Variants in YTHDC2 observed in about 807,000 individuals in gnomAD.
YTHDC2 encodes 3'-5' RNA helicase YTHDC2.
A neutral mutation model predicts 174.9 loss-of-function variants in YTHDC2; 45 were observed. The ratio of observed to expected loss-of-function variants is 0.26; its 90% CI spans 0.20 to 0.33. The LOEUF (loss-of-function observed/expected upper bound fraction) is 0.33, where lower values mean the gene tolerates loss of function less well. Among genes scored for constraint, YTHDC2 ranks in the 10% least tolerant of loss-of-function variants. The probability of loss-of-function intolerance (pLI) is 1.00; values close to 1 mark genes in which losing one functional copy is unlikely to be tolerated. For synonymous variants in YTHDC2, 657 were observed against 574.5 expected, an observed-to-expected ratio of 1.14 and a Z score of -2.05; for missense variants, 1,650 against 1,723.7, an observed-to-expected ratio of 0.96 and a Z score of 0.76.
rs149701893 is a variant in YTHDC2, at chr5:113,584,379, G to A, written c.3725G>A (p.Arg1242Gln). Residue 1242 changes from arginine to glutamine, a missense_variant, in exon 26 of 30, where the codon CGA (arginine) becomes CAA (glutamine). Coordinates refer to ENST00000161863, the MANE Select transcript of YTHDC2 (RefSeq NM_022828.5). The stretch of plus-strand genomic sequence containing the variant: ...GATAGAGGAATTTTACATCCTAAAC[G>A]AGGTACTGAGGACCGATCAGATCAG... Reference protein sequence around the residue: ...YKDRGILHPKRGTEDRSDQSS... With the variant: ...YKDRGILHPKQGTEDRSDQSS... 3.1e-6 allele frequency: 5 copies of A among 1,613,792 alleles called. No individual in the cohort carries two copies. The highest frequency in any genetic ancestry group is 3.3e-5 in the Admixed American group (2 of 59,998).
intron 3 of YTHDC2, 108 bp from the exon 4 acceptor site, chr5:113,526,478 A>T: frequency 1.3e-6 from 1 of 778,760 alleles, no homozygotes; most frequent in Non-Finnish European, 1.9e-6. Context: ...GTTAGAAATT[A>T]TGTCTTTTGG....
At chr5:113,547,389 C>T (rs1354101449) in intron 10 of YTHDC2, among the ~76,000 whole-genome samples, 3 of 152,184 alleles carry the variant, frequency 2.0e-5, no homozygotes, top group Non-Finnish European at 2.9e-5. Context: ...AACAAACCCA[C>T]CTCAAAAAAC....
Position 113,592,181 on chromosome 5 carries a change from A to T in YTHDC2, c.4212+3A>T. ...TGCAGATAAGCAGGGATGGGCAGGTATACAATGGCATTTTTTTTTTTATTT... is the reference window on the plus strand; with the variant it reads ...TGCAGATAAGCAGGGATGGGCAGGTTTACAATGGCATTTTTTTTTTTATTT... On this transcript the variant is annotated splice_donor_region_variant and intron_variant, in intron 28 of 29. Coordinates refer to ENST00000161863, the MANE Select transcript of YTHDC2 (RefSeq NM_022828.5). The T allele has an allele frequency of 6.4e-7, 1 of 1,574,370 alleles. No homozygotes were observed. Among genetic ancestry groups the T allele is most frequent in the Non-Finnish European group, 8.6e-7 (1 of 1,168,392 alleles).
chr5:113,536,147 G>T (rs546974738), intron 7 of YTHDC2, among the ~76,000 whole-genome samples: 22 of 152,304 alleles, frequency 1.4e-4, no homozygotes, highest in African/African-American at 5.3e-4. Context: ...TTCTGAAAAT[G>T]CTAAAACAAC....
chr5:113,538,598 T>A (rs543991775), intron 7 of YTHDC2, among the ~76,000 whole-genome samples: 1 of 150,500 alleles, frequency 6.6e-6, no homozygotes, highest in Admixed American at 6.7e-5. Context: ...ATTTTGTTTA[T>A]CTTCTTGTTT....
At chr5:113,542,136 A>C (rs1775525063) in intron 9 of YTHDC2, among the ~76,000 whole-genome samples, 1 of 152,208 alleles carries the variant, frequency 6.6e-6, no homozygotes, top group South Asian at 2.1e-4. Flanking sequence ...TCGTGACTAG[A>C]TCATAGTCCT....
chr5:113,585,393 G>A (rs1282337000), intron 26 of YTHDC2, among the ~76,000 whole-genome samples: 2 of 152,124 alleles, frequency 1.3e-5, no homozygotes, highest in Non-Finnish European at 2.9e-5. Context: ...TGTGCCTGTT[G>A]AAATACTCTT....
At chr5:113,563,567 C>T in intron 19 of YTHDC2, 75 bp downstream of exon 19, 2 of 1,446,774 alleles carry the variant, frequency 1.4e-6, no homozygotes, top group Non-Finnish European at 1.9e-6. Flanking sequence ...TATGTCTTAA[C>T]TAATTTTGTA....
chr5:113,541,161 T>C, intron 9 of YTHDC2, 45 bp downstream of exon 9: 1 of 1,610,270 alleles, frequency 6.2e-7, no homozygotes, highest in South Asian at 1.1e-5. Context: ...GTGAAAATTG[T>C]GTAGGTTAAA....
chr5:113,564,610 T>C (rs542038385), intron 20 of YTHDC2, among the ~76,000 whole-genome samples: 1 of 152,214 alleles, frequency 6.6e-6, no homozygotes, highest in South Asian at 2.1e-4. Context: ...CAAAAATCAC[T>C]TAAAAACCTT....
chr5:113,567,222 A>T lies in YTHDC2; in HGVS notation c.2973A>T (p.Leu991=), dbSNP rs750371964. ...TAGTCCACGTGGACAGAGAGAATCT[A>T]GTGTTGACAGGGCCAAAGGAGAAAA... ...PNLVHVDREN[L]VLTGPKEKKV... Residue 991 remains leucine (L), a synonymous_variant, in exon 22 of 30, where the codon CTA becomes CTT. Coordinates refer to ENST00000161863, the MANE Select transcript of YTHDC2 (RefSeq NM_022828.5). The T allele has an allele frequency of 1.1e-5, 18 of 1,613,690 alleles. No individual in the cohort carries two copies. The Admixed American group carries it at 2.8e-4, about 25-fold the overall frequency.
chr5:113,583,738 T>G (rs1778526556), intron 25 of YTHDC2: 1 of 152,468 alleles, frequency 6.6e-6, no homozygotes, highest in Non-Finnish European at 1.5e-5. Flanking sequence ...CGCCTCGGCT[T>G]CCCAAAGTGC....
At chr5:113,516,536 T>C (rs755183299) in intron 2 of YTHDC2, among the ~76,000 whole-genome samples, 15 of 152,178 alleles carry the variant, frequency 9.9e-5, no homozygotes, top group Non-Finnish European at 1.8e-4. Flanking sequence ...CTTTATTCTG[T>C]TTTGTGTACT....
chr5:113,548,867 A>G, intron 11 of YTHDC2, 88 bp from the exon 12 acceptor site: 1 of 1,310,392 alleles, frequency 7.6e-7, no homozygotes, highest in South Asian at 1.7e-5. Context: ...ATTTTTTTGA[A>G]AAGACAGGGT....
Position 113,533,775 on chromosome 5 carries a change from C to G in YTHDC2, c.843-530C>G, listed in dbSNP as rs371948018. On this transcript the variant is annotated intron_variant, in intron 5 of 29. Transcript: ENST00000161863. ...TCTGAAATCCAAGATGCTAAAAAAT[C>G]TAAAACTTTTTGAGTGCCAACATGA... Among the ~76,000 whole-genome samples, 4 of 152,100 alleles carry G rather than the reference C, an allele frequency of 2.6e-5. No individual in the cohort carries two copies. The East Asian group carries it at 5.8e-4, about 22-fold the overall frequency.
Position 113,563,499 on chromosome 5 carries a change from G to A in YTHDC2, c.2442+7G>A. The A allele has an allele frequency of 1.9e-6, 3 of 1,576,224 alleles. No individual in the cohort carries two copies. Among genetic ancestry groups the A allele is most frequent in the Non-Finnish European group, 2.6e-6 (3 of 1,165,090 alleles). On this transcript the variant is annotated splice_region_variant and intron_variant, in intron 19 of 29. Transcript: ENST00000161863. ...TGCTGTACAAATGCTTAAGGTTGGT[G>A]TCTTCATAGTTTTATTTTACATGAC...
intron 26 of YTHDC2, among the ~76,000 whole-genome samples, chr5:113,586,180 T>G (rs1404557572): frequency 6.6e-6 from 1 of 152,076 alleles, no homozygotes; most frequent in Non-Finnish European, 1.5e-5. Context: ...GCATTTTAGC[T>G]TTTGTAATTT....
intron 2 of YTHDC2, among the ~76,000 whole-genome samples, chr5:113,519,831 A>G (rs923364534): frequency 1.3e-5 from 2 of 152,210 alleles, no homozygotes; most frequent in African/African-American, 4.8e-5. Context: ...TTACTCACAC[A>G]AATGCCATTC....
chr5:113,543,510 C>G (rs187148840), intron 10 of YTHDC2, among the ~76,000 whole-genome samples: 31 of 152,328 alleles, frequency 2.0e-4, no homozygotes, highest in Admixed American at 1.9e-3. Context: ...CCAAGCTAGC[C>G]TCTCTTCTGG....
Sources: allele counts gnomAD v4.1 joint callset (sites outside exome capture counted in the v4.1 genomes callset), GRCh38; gene constraint gnomAD v4.1.1; transcripts MANE v1.5; gene names NCBI Gene and HGNC (gene_info 2026-07-23, HGNC 2026-07-21).